Variants in DCDC1 observed in about 807,000 individuals in gnomAD.
DCDC1 encodes doublecortin domain containing 1.
DCDC1 carries 200 observed loss-of-function variants against 178.3 expected under a neutral mutation model. The observed-to-expected ratio is 1.12, with a 90% CI of 1.00 to 1.26. The LOEUF (loss-of-function observed/expected upper bound fraction) is 1.26, where lower values mean the gene tolerates loss of function less well. Among genes scored for constraint, DCDC1 ranks in the 50% most tolerant of loss-of-function variants. The pLI is 0.00. For missense variants in DCDC1, 1,983 were observed against 1,749.2 expected, an observed-to-expected ratio of 1.13 and a Z score of -2.38; for synonymous variants, 690 against 604.8, an observed-to-expected ratio of 1.14 and a Z score of -2.07.
intron 28 of DCDC1, 77 bp from the exon 29 acceptor site, chr11:30,909,193 C>T: frequency 7.8e-7 from 1 of 1,288,602 alleles, no homozygotes; most frequent in Non-Finnish European, 1.0e-6. Flanking sequence ...TTGCATATAT[C>T]CAGAAAGTGC....
At chr11:31,194,696 TTTCA>T (rs1471589312) in intron 9 of DCDC1, among the ~76,000 whole-genome samples, 1 of 152,048 alleles carries the variant, frequency 6.6e-6, no homozygotes, top group Non-Finnish European at 1.5e-5. Context: ...TGGCCATTTG[TTTCA>T]TTTTTTTTTG....
intron 20 of DCDC1, among the ~76,000 whole-genome samples, chr11:31,022,376 T>A (rs563073527): frequency 1.3e-5 from 2 of 152,246 alleles, no homozygotes; most frequent in South Asian, 4.1e-4. Context: ...TTTCCTCTTC[T>A]TCAAAGGACA....
chr11:31,272,034 C>A (rs1165621167), intron 7 of DCDC1, among the ~76,000 whole-genome samples: 2 of 151,896 alleles, frequency 1.3e-5, no homozygotes, highest in African/African-American at 4.8e-5. Flanking sequence ...TGGTGGCGGG[C>A]ACCTGTAATC....
intron 36 of DCDC1, among the ~76,000 whole-genome samples, chr11:30,889,254 A>G (rs965130295): frequency 4.6e-5 from 7 of 152,216 alleles, no homozygotes; most frequent in African/African-American, 1.7e-4. Context: ...TTGATGACTG[A>G]TGAGCCGACA....
At chr11:31,153,210 G>T (rs1965357340) in intron 9 of DCDC1, among the ~76,000 whole-genome samples, 1 of 152,054 alleles carries the variant, frequency 6.6e-6, no homozygotes, top group South Asian at 2.1e-4. Context: ...CTTTATCATG[G>T]CATTACTATC....
Position 30,878,566 on chromosome 11 carries a change from C to T in DCDC1, c.*18G>A, listed in dbSNP as rs766741121. On this transcript the variant is annotated 3_prime_UTR_variant, in exon 38 of 39. Coordinates refer to ENST00000684477, the MANE Select transcript of DCDC1 (RefSeq NM_001387274.1). ...TACCAGAAAAATACAGCAGAAAATCCGATGGTTCTGATAGGAGTTAATTGT... is the reference window on the plus strand; with the variant it reads ...TACCAGAAAAATACAGCAGAAAATCTGATGGTTCTGATAGGAGTTAATTGT... The T allele has an allele frequency of 2.6e-5, 41 of 1,575,876 alleles. No individual in the cohort carries two copies. Among genetic ancestry groups the T allele is most frequent in the African/African-American group, 8.3e-5 (6 of 72,076 alleles).
chr11:31,270,581 C>T (rs1311664232), intron 7 of DCDC1, among the ~76,000 whole-genome samples: 1 of 152,172 alleles, frequency 6.6e-6, no homozygotes, highest in Non-Finnish European at 1.5e-5. Flanking sequence ...GACCCACAAC[C>T]TCTTTTAAAA....
chr11:30,899,524 A>C lies in DCDC1; in HGVS notation c.4765+17T>G, dbSNP rs1944499586. The C allele has an allele frequency of 5.5e-6, 8 of 1,467,212 alleles. No homozygotes were observed. Among genetic ancestry groups the C allele is most frequent in the Non-Finnish European group, 7.3e-6 (8 of 1,101,856 alleles). 90.9% of individuals were successfully genotyped at this position (1,467,212 alleles called of 1,614,324 possible). ...TTTGAATTAAATATGGTTATGCTTGATATAGTTCATACTGACCTTTTAACT... is the reference window on the plus strand; with the variant it reads ...TTTGAATTAAATATGGTTATGCTTGCTATAGTTCATACTGACCTTTTAACT... On this transcript the variant is annotated intron_variant, in intron 34 of 38. Coordinates refer to ENST00000684477, the MANE Select transcript of DCDC1 (RefSeq NM_001387274.1).
intron 25 of DCDC1, among the ~76,000 whole-genome samples, chr11:30,917,560 T>C (rs1945936822): frequency 1.3e-5 from 2 of 152,206 alleles, no homozygotes; most frequent in Admixed American, 1.3e-4. Context: ...GAGAATAATA[T>C]ACTAAACAGA....
intron 20 of DCDC1, among the ~76,000 whole-genome samples, chr11:30,986,896 CAA>C (rs1950682378): frequency 6.6e-6 from 1 of 152,122 alleles, no homozygotes; most frequent in Non-Finnish European, 1.5e-5. Flanking sequence ...ACAATACCAT[CAA>C]AGAGAATGGT....
At position 30,878,529 on chromosome 11, in the gene DCDC1, T is replaced by C; in HGVS notation, c.*40+15A>G. 6.6e-7 allele frequency: 1 copy of C among 1,514,786 alleles called. No individual in the cohort carries two copies. Among genetic ancestry groups the C allele is most frequent in the Non-Finnish European group, 8.8e-7 (1 of 1,131,634 alleles). 93.8% of individuals were successfully genotyped at this position (1,514,786 alleles called of 1,614,324 possible). A position where few individuals can be genotyped will look rare whatever the true frequency, so the allele number is the denominator to read the frequency against. ...TAATGTCATAACAAACATGAGTATG[T>C]GCACATAGCTATACCAGAAAAATAC... On this transcript the variant is annotated intron_variant, in intron 38 of 38. Transcript: ENST00000684477.
chr11:30,951,695 A>G (rs935874719), intron 21 of DCDC1, among the ~76,000 whole-genome samples: 5 of 152,174 alleles, frequency 3.3e-5, no homozygotes, highest in Admixed American at 3.3e-4. Context: ...AACTTTGATC[A>G]TTTTAGGTAT....
intron 20 of DCDC1, among the ~76,000 whole-genome samples, chr11:31,056,546 A>G (rs1419011811): frequency 3.9e-5 from 6 of 152,188 alleles, no homozygotes; most frequent in Non-Finnish European, 8.8e-5. Flanking sequence ...ATTTAATATG[A>G]GACAAAGTAA....
At chr11:31,286,387 T>C (rs1031935769) in intron 7 of DCDC1, among the ~76,000 whole-genome samples, 5 of 152,040 alleles carry the variant, frequency 3.3e-5, no homozygotes, top group Admixed American at 6.6e-5. Context: ...AGCATATATA[T>C]ATGTCATAAT....
At chr11:31,295,254 T>G (rs925044098) in intron 6 of DCDC1, among the ~76,000 whole-genome samples, 1 of 152,210 alleles carries the variant, frequency 6.6e-6, no homozygotes, top group Non-Finnish European at 1.5e-5. Context: ...TATTCTATTG[T>G]TATTTTTTAT....
intron 20 of DCDC1, among the ~76,000 whole-genome samples, chr11:30,980,627 T>C (rs998684010): frequency 6.6e-6 from 1 of 152,148 alleles, no homozygotes; most frequent in African/African-American, 2.4e-5. Context: ...TTTGTTTTTT[T>C]CTCAACCCTG....
At chr11:30,950,950 C>T (rs1295120539) in intron 21 of DCDC1, among the ~76,000 whole-genome samples, 1 of 151,888 alleles carries the variant, frequency 6.6e-6, no homozygotes. Flanking sequence ...CATGATATGC[C>T]TGTATCAAAA....
chr11:31,011,959 T>C (rs1458388965), intron 20 of DCDC1, among the ~76,000 whole-genome samples: 1 of 152,072 alleles, frequency 6.6e-6, no homozygotes, highest in East Asian at 1.9e-4. Flanking sequence ...TGGGAGGTGA[T>C]TGGATTATGA....
At chr11:31,281,482 G>A (rs986122415) in intron 7 of DCDC1, among the ~76,000 whole-genome samples, 1 of 151,758 alleles carries the variant, frequency 6.6e-6, no homozygotes, top group Non-Finnish European at 1.5e-5. Flanking sequence ...ATTAAATTTT[G>A]TCAAATTCCT....
Sources: allele counts gnomAD v4.1 joint callset (sites outside exome capture counted in the v4.1 genomes callset), GRCh38; gene constraint gnomAD v4.1.1; transcripts MANE v1.5; gene names NCBI Gene and HGNC (gene_info 2026-07-23, HGNC 2026-07-21).